PARD3B: variants seen among roughly 807,000 people sequenced by gnomAD.
PARD3B encodes partitioning defective 3 homolog B.
Under a neutral mutation model 130.2 loss-of-function variants are expected in PARD3B, and 103 were observed. The ratio of observed to expected loss-of-function variants is 0.79; its 90% CI spans 0.67 to 0.93. The LOEUF is 0.93. Ranked by LOEUF, PARD3B falls within the 40% of genes least tolerant of loss-of-function variation. PARD3B has a pLI of 0.00. For synonymous variants in PARD3B, 583 were observed against 553.2 expected (o/e 1.05, Z -0.76); for missense variants, 1,609 against 1,499.2 (o/e 1.07, Z -1.21).
At chr2:205,499,238 TA>T (rs1575171442) in intron 20 of PARD3B, among the ~76,000 whole-genome samples, 1 of 151,426 alleles carries the variant, frequency 6.6e-6, no homozygotes, top group Non-Finnish European at 1.5e-5. Flanking sequence ...CTATAATTCA[TA>T]AGAGGAAATA....
chr2:204,908,450 A>G (rs916677218), intron 2 of PARD3B, among the ~76,000 whole-genome samples: 1 of 152,198 alleles, frequency 6.6e-6, no homozygotes, highest in African/African-American at 2.4e-5. Flanking sequence ...AATGTTAGCA[A>G]TATCTTTAAA....
At chr2:205,522,053 C>A (rs2051086854) in intron 21 of PARD3B, among the ~76,000 whole-genome samples, 1 of 151,412 alleles carries the variant, frequency 6.6e-6, no homozygotes, top group Non-Finnish European at 1.5e-5. Flanking sequence ...AAAATTATAT[C>A]TCTTTGAGAT....
chr2:205,110,004 C>T (rs1382076564), intron 5 of PARD3B, among the ~76,000 whole-genome samples: 1 of 152,088 alleles, frequency 6.6e-6, no homozygotes, highest in Non-Finnish European at 1.5e-5. Flanking sequence ...GAAACTGAGG[C>T]ACCAGGTCTT....
intron 2 of PARD3B, among the ~76,000 whole-genome samples, chr2:204,832,886 G>A (rs2043880519): frequency 6.6e-6 from 1 of 152,094 alleles, no homozygotes; most frequent in Admixed American, 6.5e-5. Context: ...ACGGTATGCT[G>A]GGCACTATAA....
At position 205,590,842 on chromosome 2, in the gene PARD3B, C is replaced by T. The variant is rs2054362606; in HGVS notation, c.3261-24614C>T. On this transcript the variant is annotated intron_variant, in intron 22 of 22. Coordinates refer to ENST00000406610, the MANE Select transcript of PARD3B (RefSeq NM_001302769.2). The surrounding 1 kb of genome is among the most constrained non-coding windows in gnomAD (Gnocchi z 4.1). ...CTGTCAAACCAGTACACCAAACCCTCTCTGCTTCCGGTCTGCTTGTCATTT... is the reference window on the plus strand; with the variant it reads ...CTGTCAAACCAGTACACCAAACCCTTTCTGCTTCCGGTCTGCTTGTCATTT... Among the ~76,000 whole-genome samples the T allele has an allele frequency of 1.3e-5, 2 of 152,236 alleles. No individual in the cohort carries two copies. The highest frequency in any genetic ancestry group is 4.1e-4 in the South Asian group (2 of 4,822).
At chr2:205,542,688 A>G (rs1318460847) in intron 21 of PARD3B, among the ~76,000 whole-genome samples, 1 of 152,122 alleles carries the variant, frequency 6.6e-6, no homozygotes, top group African/African-American at 2.4e-5. Context: ...TCAGTAATTC[A>G]TCTTATTGTA....
chr2:205,399,509 G>T (rs908410933), intron 18 of PARD3B, among the ~76,000 whole-genome samples: 1 of 151,516 alleles, frequency 6.6e-6, no homozygotes, highest in East Asian at 2.0e-4. Context: ...CATGCACCAC[G>T]ACGCCCGGCT....
At chr2:204,765,274 C>A (rs2041094851) in intron 2 of PARD3B, among the ~76,000 whole-genome samples, 1 of 152,174 alleles carries the variant, frequency 6.6e-6, no homozygotes. Context: ...CCAAGACCTG[C>A]TGAATCAGAA....
intron 12 of PARD3B, among the ~76,000 whole-genome samples, chr2:205,175,365 C>T (rs1325470902): frequency 4.6e-5 from 7 of 152,188 alleles, no homozygotes; most frequent in Admixed American, 2.6e-4. Flanking sequence ...GGGTAATACA[C>T]TGGGTGTGGG....
intron 21 of PARD3B, among the ~76,000 whole-genome samples, chr2:205,500,315 A>G (rs150136553): frequency 1.3e-5 from 2 of 152,292 alleles, no homozygotes; most frequent in South Asian, 2.1e-4. Flanking sequence ...AAAGAGGGCA[A>G]GGGATCTTTG....
intron 21 of PARD3B, among the ~76,000 whole-genome samples, chr2:205,539,105 G>C (rs1489627341): frequency 6.6e-6 from 1 of 152,150 alleles, no homozygotes; most frequent in Non-Finnish European, 1.5e-5. Flanking sequence ...TTCAATTAGA[G>C]ACTCTTCATG....
rs78760714 is a variant in PARD3B at position 204,632,886 on chromosome 2, G to T, written c.121-53295G>T. On this transcript the variant is annotated intron_variant, in intron 1 of 22. Coordinates refer to ENST00000406610, the MANE Select transcript of PARD3B (RefSeq NM_001302769.2). ...TTCCTGGATATTTCAGTATTCACTCGCACCTTTTGTTCCCCTCGGTGAGTG... is the reference window on the plus strand; with the variant it reads ...TTCCTGGATATTTCAGTATTCACTCTCACCTTTTGTTCCCCTCGGTGAGTG... 6.0e-3 allele frequency among the ~76,000 whole-genome samples: 915 copies of T among 152,244 alleles called. 8 individuals are homozygous for T. Among genetic ancestry groups the T allele is most frequent in the African/African-American group, 0.021 (882 of 41,540 alleles).
intron 1 of PARD3B, among the ~76,000 whole-genome samples, chr2:204,575,713 G>A (rs904210321): frequency 1.3e-5 from 2 of 152,360 alleles, no homozygotes; most frequent in East Asian, 1.9e-4. Flanking sequence ...ACTGGAGTCA[G>A]CACTGTAATA....
Position 205,309,422 on chromosome 2 carries a change from G to A in PARD3B, c.2630+7721G>A, listed in dbSNP as rs115737665. 7.7e-3 allele frequency among the ~76,000 whole-genome samples: 1,175 copies of A among 152,208 alleles called. 20 individuals are homozygous for A. The highest frequency in any genetic ancestry group is 0.027 in the African/African-American group (1,103 of 41,522). On this transcript the variant is annotated intron_variant, in intron 18 of 22. Transcript: ENST00000406610. This position sits in a 1 kb window ranked among gnomAD's most constrained non-coding sequence, Gnocchi z 4.7. ...CAAAGGTATTTTTAACAATCTAGAGGCATCAACTTTTTGTTCCTAAGCCTT... is the reference window on the plus strand; with the variant it reads ...CAAAGGTATTTTTAACAATCTAGAGACATCAACTTTTTGTTCCTAAGCCTT...
intron 22 of PARD3B, among the ~76,000 whole-genome samples, chr2:205,583,648 C>A (rs2054086977): frequency 6.6e-6 from 1 of 152,182 alleles, no homozygotes; most frequent in Non-Finnish European, 1.5e-5. Context: ...GAGTTTCTTA[C>A]CAAATTTTAA....
chr2:204,850,845 A>G (rs2044677596), intron 2 of PARD3B, among the ~76,000 whole-genome samples: 1 of 152,176 alleles, frequency 6.6e-6, no homozygotes, highest in Admixed American at 6.5e-5. Flanking sequence ...CACACATGGT[A>G]TACGCCTGTT....
chr2:205,298,496 ATT>A lies in PARD3B; in HGVS notation c.2186-2024_2186-2023del, dbSNP rs11287551. ...GAAATTTGTCCCTGAAATTTTTTGT[ATT>A]TTTTTTTTTGCTTAGTCTTATCTCT... On this transcript the variant is annotated intron_variant, in intron 16 of 22. Transcript: ENST00000406610. Among the ~76,000 whole-genome samples, 71 of 149,902 alleles carry A rather than the reference ATT, an allele frequency of 4.7e-4. 1 individual carries two copies. The highest frequency in any genetic ancestry group is 1.4e-3 in the African/African-American group (57 of 40,934).
chr2:205,304,937 CCTAT>C (rs2042138270), intron 18 of PARD3B, among the ~76,000 whole-genome samples: 1 of 151,984 alleles, frequency 6.6e-6, no homozygotes, highest in African/African-American at 2.4e-5. Flanking sequence ...AGAGTAAGAC[CCTAT>C]CTCAAAAAAT....
chr2:204,752,271 C>A (rs1054606413), intron 2 of PARD3B, among the ~76,000 whole-genome samples: 2 of 152,000 alleles, frequency 1.3e-5, no homozygotes, highest in African/African-American at 4.8e-5. Context: ...TTTATGATTC[C>A]ATTTTCTCAT....
Sources: gnomAD v4.1 joint callset for allele counts (sites outside exome capture counted in the v4.1 genomes callset) on GRCh38, gnomAD v4.1.1 for gene constraint, Gnocchi (gnomAD v3.1) non-coding constraint, MANE v1.5 for transcripts, NCBI Gene and HGNC (gene_info 2026-07-23, HGNC 2026-07-21) for gene names.